The following MAIP1 variants were observed in gnomAD, a reference collection of about 807,000 sequenced individuals.
MAIP1 encodes m-AAA protease-interacting protein 1, mitochondrial.
MAIP1 carries 28 observed loss-of-function variants against 31.2 expected under a neutral mutation model. That is an observed-to-expected ratio of 0.90 (90% CI 0.67 to 1.23). MAIP1 has a LOEUF of 1.23. Ranked by LOEUF, MAIP1 falls within the 50% of genes most tolerant of loss-of-function variation. The pLI, the probability that MAIP1 is intolerant of heterozygous loss-of-function variation, is 0.00. For synonymous variants in MAIP1, 142 were observed against 142.3 expected, an observed-to-expected ratio of 1.00 and a Z score of 0.02; for missense variants, 339 against 356.0, an observed-to-expected ratio of 0.95 and a Z score of 0.38.
chr2:199,957,620 T>C (rs1180892929), intron 1 of MAIP1, among the ~76,000 whole-genome samples: 2 of 152,242 alleles, frequency 1.3e-5, no homozygotes, highest in Non-Finnish European at 1.5e-5. Flanking sequence ...CAACTTTGTT[T>C]AATAAGTGTC....
chr2:199,961,056 C>A lies in MAIP1; in HGVS notation c.650-725C>A, dbSNP rs958730484. 6.0e-4 allele frequency among the ~76,000 whole-genome samples: 92 copies of A among 152,118 alleles called. 2 individuals carry two copies. The highest frequency in any genetic ancestry group is 1.3e-4 in the Non-Finnish European group (9 of 68,030). On this transcript the variant is annotated intron_variant, in intron 3 of 4. Coordinates refer to ENST00000392290, the MANE Select transcript of MAIP1 (RefSeq NM_001394955.1). ...AGGTGAATTGGGTAGAATAGGAAGC[C>A]TTTACTCTTTCTGGCAGTTGAAGTT...
upstream of MAIP1, chr2:199,955,382 G>A (rs1373842752): frequency 6.2e-7 from 1 of 1,612,842 alleles, no homozygotes; most frequent in South Asian, 1.1e-5. Flanking sequence ...TGCCCCGCGC[G>A]AGGGCCTCAC....
intron 3 of MAIP1, among the ~76,000 whole-genome samples, chr2:199,960,745 C>T (rs987334425): frequency 5.3e-5 from 8 of 152,110 alleles, no homozygotes; most frequent in Non-Finnish European, 1.0e-4. Flanking sequence ...ACAGGGGGGT[C>T]CTGGAACCAA....
intron 1 of MAIP1, 69 bp downstream of exon 1, chr2:199,956,317 G>A: frequency 7.8e-7 from 1 of 1,278,412 alleles, no homozygotes; most frequent in South Asian, 1.3e-5. Flanking sequence ...GAAGTGCTTA[G>A]CAGTGAGTTT....
At position 199,955,677 on chromosome 2, in the gene MAIP1, A is replaced by T; in HGVS notation, c.-122A>T. On this transcript the variant is annotated 5_prime_UTR_variant, in exon 1 of 5. Coordinates refer to ENST00000392290, the MANE Select transcript of MAIP1 (RefSeq NM_001394955.1). Reference sequence around the variant, plus strand: ...AGAGCGGGGACGGGGCCGACTCACCAGAGGCTGCAGCAACAGGTCCACTTT... The same window carrying T: ...AGAGCGGGGACGGGGCCGACTCACCTGAGGCTGCAGCAACAGGTCCACTTT... The T allele has an allele frequency of 8.6e-7, 1 of 1,156,846 alleles. No individual in the cohort carries two copies. Among genetic ancestry groups the T allele is most frequent in the Non-Finnish European group, 1.2e-6 (1 of 835,652 alleles). The allele number at this position is 1,156,846 out of a possible 1,614,324, so 71.7% of individuals were successfully genotyped here.
In MAIP1 at chr2:199,959,845, C is replaced by A; in HGVS notation, c.614C>A (p.Ser205Ter). The A allele has an allele frequency of 6.2e-7, 1 of 1,611,788 alleles. No individual in the cohort carries two copies. Among genetic ancestry groups the A allele is most frequent in the Non-Finnish European group, 8.5e-7 (1 of 1,178,580 alleles). The change falls in exon 3 of 5, where the codon TCA (serine) becomes TAA (stop). Residue 205 changes from serine to a stop codon, truncating the protein, a stop_gained. Coordinates refer to ENST00000392290, the MANE Select transcript of MAIP1 (RefSeq NM_001394955.1). LOFTEE classifies it high-confidence loss of function. ...AACATAGATGAAATTGTATTTACAT[C>A]AACAGGAGACATCTCCATTTACTAT... Reference protein sequence around the residue: ...AANIDEIVFTSTGDISIYYDE... With the variant: ...AANIDEIVFT
Position 199,955,928 on chromosome 2 carries a change from C to T in MAIP1, c.130C>T (p.Arg44Cys), listed in dbSNP as rs367784377. 1.8e-4 allele frequency: 295 copies of T among 1,599,800 alleles called. No individual in the cohort carries two copies. Among genetic ancestry groups the T allele is most frequent in the Admixed American group, 6.8e-4 (40 of 58,972 alleles). Residue 44 changes from arginine (R) to cysteine (C), a missense_variant, in exon 1 of 5, where the codon CGC (arginine) becomes TGC (cysteine). Transcript: ENST00000392290. ...LPSATLCYFC[R>C]CRLGLGAALF... ...GTCGGCCACACTTTGCTACTTCTGCCGCTGTCGCCTCGGCTTGGGAGCGGC... is the reference window on the plus strand; with the variant it reads ...GTCGGCCACACTTTGCTACTTCTGCTGCTGTCGCCTCGGCTTGGGAGCGGC...
chr2:199,956,261 C>T lies in MAIP1; in HGVS notation c.450+13C>T. ...GGGAGCGAAGCAGGTTTGTTTATTT[C>T]CCTGATTGACCTATCCGTCTCTAAT... On this transcript the variant is annotated intron_variant, in intron 1 of 4. Transcript: ENST00000392290. 4 of 1,587,292 alleles carry T rather than the reference C, an allele frequency of 2.5e-6. No homozygotes were observed. Among genetic ancestry groups the T allele is most frequent in the Non-Finnish European group, 3.4e-6 (4 of 1,161,508 alleles).
intron 1 of MAIP1, among the ~76,000 whole-genome samples, chr2:199,956,883 A>ACCCTGCAC (rs1219459347): frequency 5.3e-5 from 8 of 152,140 alleles, no homozygotes; most frequent in African/African-American, 1.9e-4. Flanking sequence ...AGTGCACAGC[A>ACCCTGCAC]CCCTGCACAC....
chr2:199,957,138 C>T (rs1054288452), intron 1 of MAIP1, among the ~76,000 whole-genome samples: 3 of 151,582 alleles, frequency 2.0e-5, no homozygotes, highest in Non-Finnish European at 1.5e-5. Flanking sequence ...TGGCGGCTCA[C>T]GCCTGTAATC....
rs1311635441 is a variant in MAIP1, at chr2:199,956,048, G to C, written c.250G>C (p.Ala84Pro). 3.1e-6 allele frequency: 5 copies of C among 1,611,268 alleles called. No homozygotes were observed. In the South Asian group the frequency reaches 4.4e-5, roughly 14 times the overall value. Residue 84 changes from alanine to proline, a missense_variant, in exon 1 of 5, where the codon GCC becomes CCC. Coordinates refer to ENST00000392290, the MANE Select transcript of MAIP1 (RefSeq NM_001394955.1). ...PVLSSPGLPA[A>P]FASFPACPQR... ...GCTCAGCAGCCCGGGACTCCCCGCA[G>C]CCTTCGCTTCTTTCCCTGCCTGCCC... is the stretch of plus-strand genomic sequence containing the variant.
At chr2:199,955,505 A>T (rs745820346), upstream of MAIP1, 7 of 1,608,690 alleles carry the variant, frequency 4.4e-6, no homozygotes, top group Non-Finnish European at 5.9e-6. Context: ...AGGTCTTCGG[A>T]ACTTCGGCTC....
Position 199,959,355 on chromosome 2 carries a change from C to T in MAIP1, c.522+16C>T. 7.1e-7 allele frequency: 1 copy of T among 1,411,028 alleles called. No individual in the cohort carries two copies. The highest frequency in any genetic ancestry group is 1.0e-6 in the Non-Finnish European group (1 of 997,816). 87.4% of individuals were successfully genotyped at this position (1,411,028 alleles called of 1,614,324 possible). On this transcript the variant is annotated intron_variant, in intron 2 of 4. Transcript: ENST00000392290. ...GGCCAAAGAGGTAAAGTATATTTTA[C>T]ATTTTGCTTTAAAAATAAATGCTAT...
At chr2:199,962,458 G>A (rs1215633085) in intron 4 of MAIP1, among the ~76,000 whole-genome samples, 3 of 152,162 alleles carry the variant, frequency 2.0e-5, no homozygotes, top group Non-Finnish European at 4.4e-5. Context: ...ATTCTAGGAG[G>A]CAGAAAATGG....
rs2077595687 is a variant in MAIP1, at chr2:199,955,721, C to G, written c.-78C>G. ...CCACTTTGCTCTCCAGTCTCTTTCT[C>G]CGACACCGCTGAGGCGGTTTCCCAC... On this transcript the variant is annotated 5_prime_UTR_variant, in exon 1 of 5. Transcript: ENST00000392290. The G allele has an allele frequency of 1.4e-6, 2 of 1,402,936 alleles. No homozygotes were observed. Among genetic ancestry groups the G allele is most frequent in the Admixed American group, 2.3e-5 (1 of 42,996 alleles). The allele number at this position is 1,402,936 out of a possible 1,614,324, so 86.9% of individuals were successfully genotyped here.
chr2:199,956,199 A>G lies in MAIP1; in HGVS notation c.401A>G (p.Tyr134Cys), dbSNP rs779364305. The G allele has an allele frequency of 1.6e-5, 26 of 1,613,958 alleles. No homozygotes were observed. Among genetic ancestry groups the G allele is most frequent in the Non-Finnish European group, 2.1e-5 (25 of 1,179,996 alleles). ...ATTAAGGCCTTCCTTATCTGGGCCTATTTCGACAAAGAGTTCAGCATCACA... is the reference window on the plus strand; with the variant it reads ...ATTAAGGCCTTCCTTATCTGGGCCTGTTTCGACAAAGAGTTCAGCATCACA... ...TRIKAFLIWA[Y>C]FDKEFSITEF... The change falls in exon 1 of 5, where the codon TAT becomes TGT. Residue 134 changes from tyrosine to cysteine, a missense_variant. Coordinates refer to ENST00000392290, the MANE Select transcript of MAIP1 (RefSeq NM_001394955.1).
intron 4 of MAIP1, among the ~76,000 whole-genome samples, chr2:199,962,815 A>AGTTAC (rs2077643496): frequency 6.6e-6 from 1 of 152,220 alleles, no homozygotes; most frequent in Non-Finnish European, 1.5e-5. Context: ...GAAGTTAGCA[A>AGTTAC]GTTACGTAAA....
Position 199,963,914 on chromosome 2 carries a change from ATTAC to A in MAIP1, c.*106_*109del. On this transcript the variant is annotated 3_prime_UTR_variant, in exon 5 of 5. Transcript: ENST00000392290. ...ATCTTCACTTAATCTAAGTCTGTGA[ATTAC>A]TTTTATATTATTTTGAAATACTCCT... 2 of 623,212 alleles carry A rather than the reference ATTAC, an allele frequency of 3.2e-6. No individual in the cohort carries two copies. Among genetic ancestry groups the A allele is most frequent in the Non-Finnish European group, 5.7e-6 (2 of 351,728 alleles). 38.6% of individuals were successfully genotyped at this position (623,212 alleles called of 1,614,324 possible).
At chr2:199,962,113 G>A (rs563155239) in intron 4 of MAIP1, among the ~76,000 whole-genome samples, 185 bp downstream of exon 4, 1 of 152,368 alleles carries the variant, frequency 6.6e-6, no homozygotes, top group African/African-American at 2.4e-5. Context: ...AAGAGGTAAA[G>A]TTGCTGAATT....
Sources: gnomAD v4.1 joint callset for allele counts (sites outside exome capture counted in the v4.1 genomes callset) on GRCh38, gnomAD v4.1.1 for gene constraint, MANE v1.5 for transcripts, NCBI Gene and HGNC (gene_info 2026-07-23, HGNC 2026-07-21) for gene names.